ZNF407: variants seen among roughly 807,000 people sequenced by gnomAD.
ZNF407 encodes the protein zinc finger protein 407.
Under a neutral mutation model 131.2 loss-of-function variants are expected in ZNF407, and 17 were observed. That is an observed-to-expected ratio of 0.13 (90% CI 0.09 to 0.19). The LOEUF (loss-of-function observed/expected upper bound fraction) is 0.19. ZNF407 is among the 10% of genes least tolerant of loss of function. ZNF407 has a pLI of 1.00. For synonymous variants in ZNF407, 1,156 were observed against 1,062.0 expected, an observed-to-expected ratio of 1.09 and a Z score of -1.72; for missense variants, 2,681 against 2,830.6, an observed-to-expected ratio of 0.95 and a Z score of 1.20.
At chr18:74,697,223 C>A (rs1170001566) in intron 3 of ZNF407, among the ~76,000 whole-genome samples, 1 of 152,128 alleles carries the variant, frequency 6.6e-6, no homozygotes, top group Non-Finnish European at 1.5e-5. Context: ...TTCACATTAG[C>A]TTTTTCATTT....
chr18:74,861,685 T>C (rs1970939600), intron 4 of ZNF407, among the ~76,000 whole-genome samples: 2 of 152,330 alleles, frequency 1.3e-5, no homozygotes, highest in South Asian at 4.1e-4. Context: ...GCCCAAAGGG[T>C]ATCTTCTTTG....
At chr18:74,737,528 T>G (rs1233998273) in intron 3 of ZNF407, among the ~76,000 whole-genome samples, 1 of 152,246 alleles carries the variant, frequency 6.6e-6, no homozygotes, top group East Asian at 1.9e-4. Flanking sequence ...GTGCCTTAGG[T>G]GTCTGCTATA....
At chr18:74,625,598 A>G (rs759923965) in intron 1 of ZNF407, among the ~76,000 whole-genome samples, 10 of 152,222 alleles carry the variant, frequency 6.6e-5, no homozygotes, top group Non-Finnish European at 1.3e-4. Flanking sequence ...TAAACATTGT[A>G]TCTATCTATA....
intron 4 of ZNF407, among the ~76,000 whole-genome samples, chr18:74,857,368 T>C (rs1451137554): frequency 6.6e-6 from 1 of 152,248 alleles, no homozygotes; most frequent in East Asian, 1.9e-4. Context: ...TTCCTTAATA[T>C]TTACAAGTAT....
intron 8 of ZNF407, among the ~76,000 whole-genome samples, chr18:74,951,960 G>C (rs1012306943): frequency 3.9e-5 from 6 of 151,938 alleles, no homozygotes; most frequent in African/African-American, 1.5e-4. Context: ...AACATACTAA[G>C]TTAGAAATTA....
At chr18:74,787,136 C>G (rs1025543150) in intron 4 of ZNF407, among the ~76,000 whole-genome samples, 1 of 152,064 alleles carries the variant, frequency 6.6e-6, no homozygotes, top group African/African-American at 2.4e-5. Context: ...GTGCGATAGT[C>G]CTGCTAGATC....
chr18:74,796,170 C>T (rs921548942), intron 4 of ZNF407, among the ~76,000 whole-genome samples: 2 of 152,108 alleles, frequency 1.3e-5, no homozygotes, highest in African/African-American at 4.8e-5. Context: ...TTATTTTATT[C>T]GTTCTAGAGA....
intron 3 of ZNF407, among the ~76,000 whole-genome samples, chr18:74,757,495 A>G (rs1968990727): frequency 6.6e-6 from 1 of 152,064 alleles, no homozygotes; most frequent in Non-Finnish European, 1.5e-5. Flanking sequence ...TTTATTGTAT[A>G]TGACTAAAGG....
At chr18:75,059,480 G>GT (rs1472076576) in intron 8 of ZNF407, among the ~76,000 whole-genome samples, 19 of 152,020 alleles carry the variant, frequency 1.2e-4, no homozygotes, top group African/African-American at 3.1e-4. Context: ...CCTTATTTCC[G>GT]TTTTTTTCAA....
intron 3 of ZNF407, among the ~76,000 whole-genome samples, chr18:74,722,518 A>G (rs1968063370): frequency 6.6e-6 from 1 of 152,100 alleles, no homozygotes; most frequent in Non-Finnish European, 1.5e-5. Context: ...GCTGACAAGG[A>G]TGTGGGGTTT....
At chr18:74,916,781 A>AGTGTGTGTGTGTGTGTGT (rs375090606) in intron 7 of ZNF407, among the ~76,000 whole-genome samples, 4 of 87,924 alleles carry the variant, frequency 4.5e-5, no homozygotes, top group African/African-American at 2.0e-4. Context: ...TCGAATCGGG[A>AGTGTGTGTGTGTGTGTGT]GTGTGTGTGT....
At position 74,608,672 on chromosome 18, in the gene ZNF407, C is replaced by T. The variant is rs181234468; in HGVS notation, c.-54+10735C>T. On this transcript the variant is annotated intron_variant, in intron 1 of 8. Transcript: ENST00000299687. ...AGTTCCTTTAGATTGCTTTGTCTTT[C>T]ATGACTTTGATACTTTTGAAGAATA... Among the ~76,000 whole-genome samples, 529 of 152,232 alleles carry T rather than the reference C, an allele frequency of 3.5e-3. 6 individuals are homozygous for T. The highest frequency in any genetic ancestry group is 0.011 in the African/African-American group (474 of 41,558).
chr18:74,781,549 T>C, intron 4 of ZNF407, 47 bp downstream of exon 4: 1 of 1,390,654 alleles, frequency 7.2e-7, no homozygotes, highest in South Asian at 1.4e-5. Flanking sequence ...ATTTGATTTT[T>C]ATTTTAGGCT....
intron 8 of ZNF407, among the ~76,000 whole-genome samples, chr18:75,042,058 C>CTT (rs74265948): frequency 2.2e-4 from 31 of 141,554 alleles, no homozygotes; most frequent in African/African-American, 6.2e-4. Flanking sequence ...CATTTCTTTC[C>CTT]TTTTTTTTTT....
In ZNF407 at chr18:74,632,700, A is replaced by G. The variant is rs779941361; in HGVS notation, c.1681A>G (p.Thr561Ala). 2.5e-6 allele frequency: 4 copies of G among 1,614,064 alleles called. No individual in the cohort carries two copies. The South Asian group carries it at 3.3e-5, about 13-fold the overall frequency. ...CAGAGAGATGAAATTTTACTGCCGT[A>G]CTTGTGACTTCTCTAGTATGTCAAG... The part of the protein sequence containing the change: ...HAREMKFYCR[T>A]CDFSSMSRRD... Residue 561 changes from threonine (T) to alanine (A), a missense_variant, in exon 2 of 9, where the codon ACT becomes GCT. Thr to Ala is a moderately conservative substitution (Grantham distance 58, BLOSUM62 0). This residue lies in a region of ZNF407 where 1,789 missense variants were observed against 1,748.7 expected (regional missense o/e 1.02). Coordinates refer to ENST00000299687, the MANE Select transcript of ZNF407 (RefSeq NM_017757.3).
At chr18:74,668,519 A>C (rs1366211118) in intron 3 of ZNF407, among the ~76,000 whole-genome samples, 2 of 152,188 alleles carry the variant, frequency 1.3e-5, no homozygotes, top group African/African-American at 4.8e-5. Context: ...GAGTGTTTCT[A>C]CATCTGTATT....
At chr18:74,626,957 T>A (rs939392597) in intron 1 of ZNF407, among the ~76,000 whole-genome samples, 5 of 152,312 alleles carry the variant, frequency 3.3e-5, no homozygotes, top group Admixed American at 6.5e-5. Context: ...TCTGCAGATC[T>A]CTGGGCCTCT....
intron 7 of ZNF407, among the ~76,000 whole-genome samples, chr18:74,903,756 A>G (rs1203752419): frequency 1.3e-5 from 2 of 152,262 alleles, no homozygotes; most frequent in Non-Finnish European, 2.9e-5. Context: ...CCATCCAGGC[A>G]GGAGATTAGT....
At chr18:74,831,200 T>C (rs1192481669) in intron 4 of ZNF407, among the ~76,000 whole-genome samples, 4 of 151,172 alleles carry the variant, frequency 2.6e-5, no homozygotes, top group African/African-American at 9.7e-5. Context: ...GTTGACTGCA[T>C]ATCTTGGCTG....
Sources: gnomAD v4.1 joint callset for allele counts (sites outside exome capture counted in the v4.1 genomes callset) on GRCh38, gnomAD v4.1.1 for gene constraint, gnomAD v4.1.1 regional missense constraint, MANE v1.5 for transcripts, NCBI Gene and HGNC (gene_info 2026-07-23, HGNC 2026-07-21) for gene names.